Variants in IQANK1 observed in about 807,000 individuals in gnomAD.
The protein encoded by IQANK1 is IQ motif and ankyrin repeat containing 1, also known as IQ motif and ankyrin repeat domain-containing protein 1.
IQANK1 carries 30 observed loss-of-function variants against 22.6 expected under a neutral mutation model. The observed-to-expected ratio is 1.33, with a 90% CI of 0.99 to 1.80. The LOEUF (loss-of-function observed/expected upper bound fraction) is 1.80. Ranked by LOEUF, IQANK1 falls within the 40% of genes most tolerant of loss-of-function variation. The pLI is 0.00. For synonymous variants in IQANK1, 122 were observed against 99.6 expected, an observed-to-expected ratio of 1.23 and a Z score of -1.34; for missense variants, 275 against 235.2, an observed-to-expected ratio of 1.17 and a Z score of -1.11.
At chr8:143,775,286 ATCAAAATAAAAAT>A (rs1819660442) in intron 7 of IQANK1, among the ~76,000 whole-genome samples, 2 of 152,068 alleles carry the variant, frequency 1.3e-5, no homozygotes, top group Non-Finnish European at 2.9e-5. Context: ...CTTCATGTAA[ATCAAAATAAAAAT>A]TCAAAATAAA....
Position 143,790,155 on chromosome 8 carries a change from C to A in IQANK1, c.1308C>A (p.Asp436Glu). The change falls in exon 13 of 14, where the codon GAC becomes GAA. Residue 436 changes from aspartate to glutamate, a missense_variant. Physicochemically the swap from Asp to Glu is conservative, Grantham distance 45. Transcript: ENST00000527139. ...TCCCCAGGTGGCCTCTTGTTATTGACCCTTTGGGCCAGGCGGCCACCTTCC... is the reference window on the plus strand; with the variant it reads ...TCCCCAGGTGGCCTCTTGTTATTGAACCTTTGGGCCAGGCGGCCACCTTCC... Reference protein sequence around the residue: ...RADGRWPLVIDPLGQAATFLR... With the variant: ...RADGRWPLVIEPLGQAATFLR... The A allele has an allele frequency of 8.1e-7, 1 of 1,231,926 alleles. No homozygotes were observed. Among genetic ancestry groups the A allele is most frequent in the Non-Finnish European group, 1.0e-6 (1 of 987,884 alleles). The allele number at this position is 1,231,926 out of a possible 1,614,324, so 76.3% of individuals were successfully genotyped here.
At position 143,774,471 on chromosome 8, in the gene IQANK1, C is replaced by T. The variant is rs1043148077; in HGVS notation, c.789+1989C>T. On this transcript the variant is annotated intron_variant, in intron 7 of 13. Coordinates refer to ENST00000527139, the MANE Select transcript of IQANK1 (RefSeq NM_001381874.1). The surrounding 1 kb of genome is among the most constrained non-coding windows in gnomAD (Gnocchi z 4.2). Reference sequence around the variant, plus strand: ...AGGTGTTGCACACCACCTCACACCTCCCAGGACAGCCCAGGTCAAACTAGA... The same window carrying T: ...AGGTGTTGCACACCACCTCACACCTTCCAGGACAGCCCAGGTCAAACTAGA... Among the ~76,000 whole-genome samples, 1 of 152,196 alleles carries T rather than the reference C, an allele frequency of 6.6e-6. No homozygotes were observed. Among genetic ancestry groups the T allele is most frequent in the Non-Finnish European group, 1.5e-5 (1 of 68,026 alleles).
At chr8:143,738,667 G>T (rs996654146) in intron 2 of IQANK1, among the ~76,000 whole-genome samples, 1 of 152,228 alleles carries the variant, frequency 6.6e-6, no homozygotes, top group Admixed American at 6.5e-5. Context: ...GGGCGTGCCT[G>T]GTCCTGCCCT....
chr8:143,747,601 T>G (rs184682572), intron 3 of IQANK1, among the ~76,000 whole-genome samples: 105 of 151,996 alleles, frequency 6.9e-4, no homozygotes, highest in African/African-American at 2.5e-3. Context: ...TAATTTTCTT[T>G]GTGATTTCTT....
chr8:143,772,382 AC>A lies in IQANK1; in HGVS notation c.691del (p.Arg231ValfsTer15). On this transcript the variant is annotated frameshift_variant, in exon 7 of 14. Coordinates refer to ENST00000527139, the MANE Select transcript of IQANK1 (RefSeq NM_001381874.1). LOFTEE classifies it high-confidence loss of function. ...SKGAFGPTPL[Y>X]RAAFGGHLAA... ...GGCGCTTTCGGTCCGACGCCGCTGT[AC>A]CGTGCAGCCTTTGGGGGCCACCTGG... 2.5e-6 allele frequency: 1 copy of A among 399,440 alleles called. No homozygotes were observed. Among genetic ancestry groups the A allele is most frequent in the East Asian group, 3.6e-5 (1 of 28,064 alleles). The allele number at this position is 399,440 out of a possible 1,614,324, so 24.7% of individuals were successfully genotyped here. A position where few individuals can be genotyped will look rare whatever the true frequency, so the allele number is the denominator to read the frequency against.
intron 7 of IQANK1, among the ~76,000 whole-genome samples, chr8:143,787,821 C>A (rs530606497): frequency 4.6e-5 from 7 of 152,114 alleles, no homozygotes; most frequent in Non-Finnish European, 1.0e-4. Flanking sequence ...AATGCGGCCG[C>A]TCACCCGCGC....
At chr8:143,748,332 C>T (rs1278758512) in intron 3 of IQANK1, among the ~76,000 whole-genome samples, 1 of 150,754 alleles carries the variant, frequency 6.6e-6, no homozygotes, top group Non-Finnish European at 1.5e-5. Context: ...TATCTTCTGC[C>T]TGGTGGTTCT....
chr8:143,767,274 A>T (rs1271468592), intron 3 of IQANK1, among the ~76,000 whole-genome samples: 2 of 152,164 alleles, frequency 1.3e-5, no homozygotes, highest in Non-Finnish European at 2.9e-5. Flanking sequence ...GTGTCCACTC[A>T]ATCTATGAAT....
intron 7 of IQANK1, 27 bp downstream of exon 7, chr8:143,772,509 G>A (rs1267761372): frequency 4.8e-5 from 19 of 398,394 alleles, no homozygotes; most frequent in African/African-American, 3.1e-4. Flanking sequence ...TGTGGGCCCC[G>A]GGAGGTGTGA....
chr8:143,770,657 G>A (rs1819554693), intron 3 of IQANK1, among the ~76,000 whole-genome samples: 1 of 152,260 alleles, frequency 6.6e-6, no homozygotes. Flanking sequence ...CTTCTGGCCT[G>A]CGCTCCCGTG....
chr8:143,745,662 A>T (rs1410233371), intron 3 of IQANK1: 1 of 152,026 alleles, frequency 6.6e-6, no homozygotes, highest in Non-Finnish European at 1.5e-5. Flanking sequence ...ACCTCAGGTG[A>T]TCTGCCCTCA....
chr8:143,746,859 A>AT (rs1368374147), intron 3 of IQANK1, among the ~76,000 whole-genome samples: 1 of 151,960 alleles, frequency 6.6e-6, no homozygotes, highest in Non-Finnish European at 1.5e-5. Flanking sequence ...CTCTTATGAT[A>AT]TTTTTTATTT....
At chr8:143,760,974 C>G (rs1819384293) in intron 3 of IQANK1, among the ~76,000 whole-genome samples, 1 of 152,132 alleles carries the variant, frequency 6.6e-6, no homozygotes, top group African/African-American at 2.4e-5. Flanking sequence ...GCGGGACCAG[C>G]TGCGGAGCGC....
intron 2 of IQANK1, among the ~76,000 whole-genome samples, chr8:143,738,887 C>T (rs554881147): frequency 6.6e-6 from 1 of 152,224 alleles, no homozygotes; most frequent in African/African-American, 2.4e-5. Context: ...GGCTCCAGGG[C>T]AGCTAGCACG....
At position 143,785,457 on chromosome 8, in the gene IQANK1, T is replaced by C. The variant is rs558239294; in HGVS notation, c.790-3458T>C. Among the ~76,000 whole-genome samples the C allele has an allele frequency of 5.9e-5, 9 of 152,168 alleles. No individual in the cohort carries two copies. In the South Asian group the frequency reaches 1.9e-3, roughly 32 times the overall value. On this transcript the variant is annotated intron_variant, in intron 7 of 13. Coordinates refer to ENST00000527139, the MANE Select transcript of IQANK1 (RefSeq NM_001381874.1). ...TTTCAGTAGAGATGGGGTTTTGCCA[T>C]GTTGGCTAGGCTGGTCTTGAACTCC...
chr8:143,782,474 T>TTTTTTC (rs1819813703), intron 7 of IQANK1, among the ~76,000 whole-genome samples: 1 of 152,070 alleles, frequency 6.6e-6, no homozygotes, highest in Non-Finnish European at 1.5e-5. Context: ...TTGCTTTTCT[T>TTTTTTC]TTTTTCTTTT....
At chr8:143,767,978 G>C (rs1355146937) in intron 3 of IQANK1, among the ~76,000 whole-genome samples, 3 of 146,710 alleles carry the variant, frequency 2.0e-5, no homozygotes. Flanking sequence ...CCTCCTCCCG[G>C]GTTCAAGTGA....
intron 3 of IQANK1, chr8:143,745,296 A>C (rs1819005083): frequency 6.6e-6 from 1 of 152,212 alleles, no homozygotes; most frequent in African/African-American, 2.4e-5. Flanking sequence ...CCTTGTCCAG[A>C]ATCCCACATC....
chr8:143,741,741 C>T (rs12544609), intron 3 of IQANK1: 89,064 of 152,896 alleles, frequency 0.58, 30,824 homozygotes, highest in Non-Finnish European at 0.77. Flanking sequence ...TCAGCGCTTT[C>T]TGTGCCGCAG....
Sources: allele counts gnomAD v4.1 joint callset (sites outside exome capture counted in the v4.1 genomes callset), GRCh38; gene constraint gnomAD v4.1.1; non-coding constraint Gnocchi (gnomAD v3.1); transcripts MANE v1.5; gene names NCBI Gene and HGNC (gene_info 2026-07-23, HGNC 2026-07-21).